The following ZMAT4 variants were observed in gnomAD, a reference collection of about 807,000 sequenced individuals.
ZMAT4 encodes the protein zinc finger matrin-type protein 4.
ZMAT4 carries 17 observed loss-of-function variants against 28.7 expected under a neutral mutation model. The ratio of observed to expected loss-of-function variants is 0.59; its 90% CI spans 0.41 to 0.89. ZMAT4 has a LOEUF of 0.89. Among genes scored for constraint, ZMAT4 ranks in the 40% least tolerant of loss-of-function variants. ZMAT4 has a pLI of 0.00. For synonymous variants in ZMAT4, 117 were observed against 109.2 expected (o/e 1.07, Z -0.44); for missense variants, 240 against 283.8 (o/e 0.85, Z 1.11).
At chr8:40,719,886 T>C (rs1811008590) in intron 3 of ZMAT4, among the ~76,000 whole-genome samples, 2 of 152,148 alleles carry the variant, frequency 1.3e-5, no homozygotes, top group Admixed American at 6.6e-5. Context: ...CAAAGCCTTT[T>C]AATGTGCTTG....
intron 1 of ZMAT4, among the ~76,000 whole-genome samples, chr8:40,842,618 C>T (rs1816742125): frequency 1.3e-5 from 2 of 152,280 alleles, no homozygotes; most frequent in South Asian, 4.1e-4. Flanking sequence ...AAGTCATCCT[C>T]ACCTGCCAGT....
rs541785385 is a variant in ZMAT4 at position 40,695,723 on chromosome 8, G to C, written c.349+1522C>G. 9.1e-5 allele frequency among the ~76,000 whole-genome samples: 13 copies of C among 142,812 alleles called. No individual in the cohort carries two copies. In the South Asian group the frequency reaches 2.1e-3, roughly 23 times the overall value. The allele number at this position is 142,812 out of a possible 152,430, so 93.7% of individuals were successfully genotyped here. On this transcript the variant is annotated intron_variant, in intron 4 of 6. Coordinates refer to ENST00000297737, the MANE Select transcript of ZMAT4 (RefSeq NM_024645.3). ...AAACAATTGGATGCTTGGTTGTCTTGAAGCTGTATTTAAATTCACAAAGAA... is the reference window on the plus strand; with the variant it reads ...AAACAATTGGATGCTTGGTTGTCTTCAAGCTGTATTTAAATTCACAAAGAA...
At chr8:40,564,645 G>T (rs1803855661) in intron 6 of ZMAT4, among the ~76,000 whole-genome samples, 1 of 152,150 alleles carries the variant, frequency 6.6e-6, no homozygotes, top group Admixed American at 6.5e-5. Context: ...ATAAGGCAGG[G>T]CCACTGTTGC....
chr8:40,847,887 T>G (rs914390422), intron 1 of ZMAT4, among the ~76,000 whole-genome samples: 1 of 152,192 alleles, frequency 6.6e-6, no homozygotes, highest in Non-Finnish European at 1.5e-5. Context: ...AGCCTTTCTT[T>G]GCCTCCAGAG....
intron 1 of ZMAT4, among the ~76,000 whole-genome samples, chr8:40,836,913 T>C (rs774949050): frequency 6.6e-6 from 1 of 152,094 alleles, no homozygotes; most frequent in Non-Finnish European, 1.5e-5. Flanking sequence ...TGATGATCGG[T>C]AGATAAATAG....
intron 5 of ZMAT4, among the ~76,000 whole-genome samples, chr8:40,586,783 G>A (rs1193166571): frequency 1.3e-5 from 2 of 152,138 alleles, no homozygotes; most frequent in Non-Finnish European, 2.9e-5. Context: ...GAATATGGGA[G>A]AGAATAAGAC....
At chr8:40,682,236 A>G (rs2150480238) in intron 4 of ZMAT4, among the ~76,000 whole-genome samples, 1 of 152,322 alleles carries the variant, frequency 6.6e-6, no homozygotes, top group East Asian at 1.9e-4. Flanking sequence ...TACAAAGTCT[A>G]AAAAACACTG....
chr8:40,549,896 A>G (rs991987650), intron 6 of ZMAT4, among the ~76,000 whole-genome samples: 6 of 152,176 alleles, frequency 3.9e-5, no homozygotes, highest in East Asian at 3.9e-4. Flanking sequence ...TTATTTCTCA[A>G]TATTCTCCCT....
intron 3 of ZMAT4, among the ~76,000 whole-genome samples, chr8:40,759,541 A>T (rs1218777512): frequency 2.6e-5 from 4 of 152,154 alleles, no homozygotes; most frequent in Non-Finnish European, 4.4e-5. Context: ...GCAAAGCAGG[A>T]TGAGAACCCT....
At chr8:40,841,753 T>C (rs1261298713) in intron 1 of ZMAT4, among the ~76,000 whole-genome samples, 2 of 152,184 alleles carry the variant, frequency 1.3e-5, no homozygotes, top group Non-Finnish European at 2.9e-5. Context: ...CAAGATAAAA[T>C]GCACTGGGAA....
chr8:40,881,500 A>AAAGAAAGG (rs58443070), intron 1 of ZMAT4, among the ~76,000 whole-genome samples: 3 of 140,872 alleles, frequency 2.1e-5, no homozygotes, highest in Admixed American at 1.5e-4. Context: ...AGAAAGAAAG[A>AAAGAAAGG]GGAAGGAAGG....
chr8:40,826,006 C>T (rs537231255), intron 1 of ZMAT4, among the ~76,000 whole-genome samples: 1 of 152,158 alleles, frequency 6.6e-6, no homozygotes, highest in Non-Finnish European at 1.5e-5. Context: ...CGCCTGTAGT[C>T]CCAGTGTTTT....
chr8:40,597,797 A>T lies in ZMAT4; in HGVS notation c.578-16536T>A, dbSNP rs1248380487. ...GAAATTATATAAACATTAAAAGGTA[A>T]TGTGGATAAACTGAACTCTGAAGGA... On this transcript the variant is annotated intron_variant, in intron 5 of 6. Transcript: ENST00000297737. Among the ~76,000 whole-genome samples the T allele has an allele frequency of 2.0e-5, 3 of 152,224 alleles. No homozygotes were observed. The South Asian group carries it at 6.2e-4, about 32-fold the overall frequency.
chr8:40,697,611 C>T (rs1050664258), intron 3 of ZMAT4, among the ~76,000 whole-genome samples: 2 of 151,930 alleles, frequency 1.3e-5, no homozygotes, highest in Non-Finnish European at 2.9e-5. Flanking sequence ...GCAGAAAGTG[C>T]AGGTTTGTTA....
chr8:40,834,370 G>C (rs188848693), intron 1 of ZMAT4, among the ~76,000 whole-genome samples: 4 of 152,200 alleles, frequency 2.6e-5, no homozygotes, highest in African/African-American at 9.6e-5. Context: ...ACTCCAGGGG[G>C]CATGAGCAGA....
At chr8:40,846,239 A>G (rs890797017) in intron 1 of ZMAT4, among the ~76,000 whole-genome samples, 1 of 151,924 alleles carries the variant, frequency 6.6e-6, no homozygotes, top group Non-Finnish European at 1.5e-5. Context: ...AACCTTTTAC[A>G]TCTCTCTCTC....
At chr8:40,543,797 A>G (rs1803114371) in intron 6 of ZMAT4, among the ~76,000 whole-genome samples, 1 of 152,208 alleles carries the variant, frequency 6.6e-6, no homozygotes, top group African/African-American at 2.4e-5. Flanking sequence ...CCCCTTAAAG[A>G]CTATTTTATA....
intron 1 of ZMAT4, among the ~76,000 whole-genome samples, chr8:40,846,794 T>A (rs1031180130): frequency 3.3e-5 from 5 of 152,154 alleles, no homozygotes; most frequent in Admixed American, 1.3e-4. Flanking sequence ...TCCGTTCCAA[T>A]GTTTAACGGC....
chr8:40,760,332 A>G (rs530419404), intron 3 of ZMAT4, among the ~76,000 whole-genome samples: 1 of 151,776 alleles, frequency 6.6e-6, no homozygotes, highest in East Asian at 1.9e-4. Context: ...CTTTTATTTG[A>G]CCCTTTGGAA....
Sources: allele counts gnomAD v4.1 joint callset (sites outside exome capture counted in the v4.1 genomes callset), GRCh38; gene constraint gnomAD v4.1.1; transcripts MANE v1.5; gene names NCBI Gene and HGNC (gene_info 2026-07-23, HGNC 2026-07-21).